Variants in ZDHHC15 observed in about 807,000 individuals in gnomAD.
ZDHHC15 encodes the protein zDHHC palmitoyltransferase 15, also known as palmitoyltransferase ZDHHC15.
In ZDHHC15, 19 loss-of-function variants were observed where a neutral mutation model predicts 31.7. The ratio of observed to expected loss-of-function variants is 0.60; its 90% CI spans 0.42 to 0.88. ZDHHC15 has a LOEUF of 0.88. Among genes scored for constraint, ZDHHC15 ranks in the 40% least tolerant of loss-of-function variants. The pLI, the probability that ZDHHC15 is intolerant of heterozygous loss-of-function variation, is 0.00. For synonymous variants in ZDHHC15, 103 were observed against 90.0 expected (o/e 1.14, Z -0.82); for missense variants, 209 against 251.2 (o/e 0.83, Z 1.14).
rs143224977 is a variant in ZDHHC15 at position 75,521,523 on chromosome X, G to A, written c.136+1366C>T. On this transcript the variant is annotated intron_variant, in intron 1 of 11. Transcript: ENST00000373367. Reference sequence around the variant, plus strand: ...AAGGGAGAGACTTGGGGTTTGTGTCGGGAAATATTGTAGAATTCTGAGTTT... The same window carrying A: ...AAGGGAGAGACTTGGGGTTTGTGTCAGGAAATATTGTAGAATTCTGAGTTT... Among the ~76,000 whole-genome samples, 80 of 110,813 alleles carry A rather than the reference G, an allele frequency of 7.2e-4. No homozygotes were observed. In the East Asian group the frequency reaches 0.019, roughly 27 times the overall value.
At chrX:75,447,294 G>A (rs1184991535) in intron 4 of ZDHHC15, among the ~76,000 whole-genome samples, 2 of 112,224 alleles carry the variant, frequency 1.8e-5, no homozygotes, top group South Asian at 3.7e-4. Flanking sequence ...TAGACACTTT[G>A]GATACAGATT....
chrX:75,483,040 T>C (rs1415752084), intron 2 of ZDHHC15, among the ~76,000 whole-genome samples: 1 of 101,263 alleles, frequency 9.9e-6, no homozygotes, highest in Non-Finnish European at 1.9e-5. Context: ...CACACATACA[T>C]ATATACATAT....
intron 4 of ZDHHC15, among the ~76,000 whole-genome samples, chrX:75,442,708 C>G (rs758122172): frequency 9.0e-6 from 1 of 111,475 alleles, no homozygotes; most frequent in African/African-American, 3.3e-5. Flanking sequence ...AATATTGGGC[C>G]GGGCGCGGTG....
chrX:75,416,637 C>T (rs1222275771), intron 10 of ZDHHC15, among the ~76,000 whole-genome samples: 1 of 111,534 alleles, frequency 9.0e-6, no homozygotes, highest in African/African-American at 3.3e-5. Context: ...GTAGGCTTGC[C>T]CCATTACTAT....
At chrX:75,471,055 T>G (rs1247015831) in intron 3 of ZDHHC15, among the ~76,000 whole-genome samples, 1 of 112,237 alleles carries the variant, frequency 8.9e-6, no homozygotes, top group Non-Finnish European at 1.9e-5. Context: ...TATCGTAAGC[T>G]TCACGATGAC....
chrX:75,453,959 C>T (rs995317009), intron 3 of ZDHHC15, among the ~76,000 whole-genome samples: 10 of 111,413 alleles, frequency 9.0e-5, no homozygotes, highest in Admixed American at 1.9e-4. Flanking sequence ...ACTGGAAGCA[C>T]TCCCTTTGAA....
In ZDHHC15 at chrX:75,451,501, A is replaced by G. The variant is rs1179330166; in HGVS notation, c.259-579T>C. Among the ~76,000 whole-genome samples, 3 of 112,292 alleles carry G rather than the reference A, an allele frequency of 2.7e-5. No homozygotes were observed. The Admixed American group carries it at 2.8e-4, about 11-fold the overall frequency. On this transcript the variant is annotated intron_variant, in intron 3 of 11. Transcript: ENST00000373367. ...TGGAGCTTGTTGCCACAATAGTGCC[A>G]CATTTTGCTAATCTTGCAAAAGATA...
chrX:75,410,808 T>C (rs1202587132), intron 10 of ZDHHC15, among the ~76,000 whole-genome samples: 3 of 112,460 alleles, frequency 2.7e-5, no homozygotes, highest in Non-Finnish European at 5.6e-5. Flanking sequence ...TGAAGCACTA[T>C]TTATAAGAGC....
chrX:75,522,809 A>G, intron 1 of ZDHHC15, 80 bp downstream of exon 1: 1 of 1,151,190 alleles, frequency 8.7e-7, no homozygotes, highest in Non-Finnish European at 1.2e-6. Context: ...TTGAGAACAC[A>G]AGGGACACCA....
chrX:75,495,425 T>A (rs1297821655), intron 2 of ZDHHC15, among the ~76,000 whole-genome samples: 1 of 111,277 alleles, frequency 9.0e-6, no homozygotes, highest in Non-Finnish European at 1.9e-5. Context: ...GCCATCCCAT[T>A]ACTGGGTATA....
chrX:75,423,789 C>CA (rs2083679061), intron 8 of ZDHHC15, among the ~76,000 whole-genome samples: 1 of 108,569 alleles, frequency 9.2e-6, no homozygotes, highest in Non-Finnish European at 1.9e-5. Context: ...AGTGAGCCAT[C>CA]ATGTACGGCC....
At chrX:75,430,113 T>C in intron 5 of ZDHHC15, 133 bp from the exon 6 acceptor site, 2 of 665,332 alleles carry the variant, frequency 3.0e-6, no homozygotes, top group Non-Finnish European at 4.5e-6. Context: ...TCCACTATAG[T>C]GACTCCAAAA....
chrX:75,444,744 C>T (rs2147895592), intron 4 of ZDHHC15, among the ~76,000 whole-genome samples: 1 of 88,699 alleles, frequency 1.1e-5, no homozygotes, highest in Admixed American at 1.3e-4. Context: ...ATTAAAATAC[C>T]ATGTGTACTA....
chrX:75,496,874 G>C (rs2085008682), intron 2 of ZDHHC15, among the ~76,000 whole-genome samples: 1 of 110,861 alleles, frequency 9.0e-6, no homozygotes, highest in Non-Finnish European at 1.9e-5. Flanking sequence ...GTAATATTAA[G>C]CATCTACATC....
At chrX:75,509,467 C>A (rs1264111994) in intron 1 of ZDHHC15, among the ~76,000 whole-genome samples, 1 of 111,976 alleles carries the variant, frequency 8.9e-6, no homozygotes, top group Non-Finnish European at 1.9e-5. Context: ...TAGTGGAGTT[C>A]AAAAGGGACT....
intron 4 of ZDHHC15, among the ~76,000 whole-genome samples, chrX:75,444,657 T>C (rs2084002566): frequency 3.9e-5 from 2 of 51,278 alleles, no homozygotes; most frequent in South Asian, 2.3e-3. Flanking sequence ...TATATATATA[T>C]ATATATATAT....
intron 7 of ZDHHC15, among the ~76,000 whole-genome samples, chrX:75,425,184 T>C (rs1286472246): frequency 9.0e-6 from 1 of 111,383 alleles, no homozygotes; most frequent in Non-Finnish European, 1.9e-5. Context: ...ATTCTTTATA[T>C]ATAATGTTTC....
At chrX:75,443,431 C>T (rs988127543) in intron 4 of ZDHHC15, among the ~76,000 whole-genome samples, 2 of 111,853 alleles carry the variant, frequency 1.8e-5, no homozygotes, top group African/African-American at 6.5e-5. Flanking sequence ...AAAGCTGAAA[C>T]TGGATCCCTT....
chrX:75,494,287 T>A (rs937417363), intron 2 of ZDHHC15, among the ~76,000 whole-genome samples: 21 of 111,028 alleles, frequency 1.9e-4, no homozygotes, highest in African/African-American at 5.6e-4. Context: ...TAAAAGAGGA[T>A]ACAAACAAAT....
Sources: gnomAD v4.1 joint callset for allele counts (sites outside exome capture counted in the v4.1 genomes callset) on GRCh38, gnomAD v4.1.1 for gene constraint, MANE v1.5 for transcripts, NCBI Gene and HGNC (gene_info 2026-07-23, HGNC 2026-07-21) for gene names.